Variants in POC1B observed in about 807,000 individuals in gnomAD.
POC1B encodes POC1 centriolar protein B, also known as POC1 centriolar protein homolog B.
In POC1B, 44 loss-of-function variants were observed where a neutral mutation model predicts 60.6. The observed-to-expected ratio is 0.73, with a 90% CI of 0.57 to 0.93. POC1B has a LOEUF of 0.93. Ranked by LOEUF, POC1B falls within the 40% of genes least tolerant of loss-of-function variation. The pLI is 0.00. For missense variants in POC1B, 555 were observed against 572.3 expected (o/e 0.97, Z 0.31); for synonymous variants, 180 against 198.9 (o/e 0.90, Z 0.80).
intron 10 of POC1B, among the ~76,000 whole-genome samples, chr12:89,458,345 A>AT (rs1372097188): frequency 6.6e-6 from 1 of 152,226 alleles, no homozygotes; most frequent in Non-Finnish European, 1.5e-5. Flanking sequence ...AGTTGTAGAC[A>AT]TCCCATTAAT....
At chr12:89,430,772 A>G (rs1230477649) in intron 10 of POC1B, among the ~76,000 whole-genome samples, 2 of 152,196 alleles carry the variant, frequency 1.3e-5, no homozygotes, top group Non-Finnish European at 2.9e-5. Flanking sequence ...CAGTAACTTT[A>G]TCATCTCAGG....
intron 4 of POC1B, among the ~76,000 whole-genome samples, chr12:89,474,822 C>T (rs1293797813): frequency 2.0e-5 from 3 of 152,290 alleles, no homozygotes; most frequent in South Asian, 2.1e-4. Flanking sequence ...GGAGAGGAAC[C>T]ACGAGGCAGT....
At chr12:89,409,044 CAA>C in the POC1B span, among the ~76,000 whole-genome samples, 1 of 152,252 alleles carries the variant, frequency 6.6e-6, no homozygotes, top group East Asian at 1.9e-4. Context: ...GGGTAGATTG[CAA>C]AAACTTTCTC....
intron 2 of POC1B, among the ~76,000 whole-genome samples, chr12:89,509,325 T>G (rs1870058374): frequency 6.6e-6 from 1 of 152,212 alleles, no homozygotes; most frequent in South Asian, 2.1e-4. Flanking sequence ...AAAGCTGGCC[T>G]CTGTGTCCTT....
intron 10 of POC1B, among the ~76,000 whole-genome samples, chr12:89,438,542 T>C (rs1390529622): frequency 6.6e-6 from 1 of 152,228 alleles, no homozygotes; most frequent in East Asian, 1.9e-4. Flanking sequence ...TTTTTCAAAC[T>C]TTCTCTGGAC....
the POC1B span, among the ~76,000 whole-genome samples, chr12:89,410,705 C>T: frequency 6.8e-6 from 1 of 146,198 alleles, no homozygotes; most frequent in East Asian, 2.0e-4. Context: ...AAAAAGAAAA[C>T]TGGCACAAGA....
At chr12:89,502,265 T>TA in intron 2 of POC1B, 1 of 1,511,280 alleles carries the variant, frequency 6.6e-7, no homozygotes, top group Non-Finnish European at 9.2e-7. Context: ...ACTAAAGTGA[T>TA]ACCAAAGAAC....
intron 11 of POC1B, among the ~76,000 whole-genome samples, chr12:89,424,108 G>C (rs1880653800): frequency 6.6e-6 from 1 of 152,230 alleles, no homozygotes; most frequent in Non-Finnish European, 1.5e-5. Flanking sequence ...CAAATCATAT[G>C]ATGACTCCAA....
At chr12:89,478,864 G>A (rs1053545421) in intron 4 of POC1B, among the ~76,000 whole-genome samples, 11 of 152,096 alleles carry the variant, frequency 7.2e-5, no homozygotes, top group Admixed American at 3.3e-4. Context: ...AACAGACTCG[G>A]AAAAGTTCTC....
chr12:89,500,780 T>C, intron 2 of POC1B: 11 of 1,019,532 alleles, frequency 1.1e-5, no homozygotes, highest in South Asian at 1.4e-5. Context: ...AAGTATCAGA[T>C]AAAGAGGATA....
Position 89,444,930 on chromosome 12 carries a change from G to A in POC1B, c.1113+14708C>T, listed in dbSNP as rs570547177. Among the ~76,000 whole-genome samples, 731 of 152,214 alleles carry A rather than the reference G, an allele frequency of 4.8e-3. 3 individuals carry two copies. Among genetic ancestry groups the A allele is most frequent in the African/African-American group, 0.017 (688 of 41,536 alleles). On this transcript the variant is annotated intron_variant, in intron 10 of 11. Coordinates refer to ENST00000313546, the MANE Select transcript of POC1B (RefSeq NM_172240.3). The stretch of plus-strand genomic sequence containing the variant: ...AAGTCTCAGGATACAAAATCAATGT[G>A]CAAAAATCACAAGCATTCCTATATA...
intron 2 of POC1B, chr12:89,524,552 G>A (rs1219417581): frequency 1.9e-6 from 3 of 1,610,964 alleles, no homozygotes; most frequent in Non-Finnish European, 2.5e-6. Context: ...ACCGCCATCC[G>A]GATTCTCAGG....
Position 89,497,451 on chromosome 12 carries a change from G to A in POC1B, c.101-109C>T, listed in dbSNP as rs184794062. ...TAACAAGGCATCCAGGTAATAGAGC[G>A]GCTGGAGGTTGTAAGGCTGCCCAGG... On this transcript the variant is annotated intron_variant, in intron 2 of 11. Transcript: ENST00000313546. The A allele has an allele frequency of 6.2e-5, 72 of 1,157,460 alleles. No homozygotes were observed. The East Asian group carries it at 1.2e-3, about 19-fold the overall frequency. The allele number at this position is 1,157,460 out of a possible 1,614,324, so 71.7% of individuals were successfully genotyped here.
At chr12:89,485,955 C>T (rs1868613159) in intron 4 of POC1B, among the ~76,000 whole-genome samples, 1 of 152,150 alleles carries the variant, frequency 6.6e-6, no homozygotes, top group South Asian at 2.1e-4. Flanking sequence ...ACCTTACTAA[C>T]TTCCACAATA....
At chr12:89,410,397 A>G in the POC1B span, among the ~76,000 whole-genome samples, 1 of 152,138 alleles carries the variant, frequency 6.6e-6, no homozygotes, top group Non-Finnish European at 1.5e-5. Flanking sequence ...AACCGGCACA[A>G]GGTCGGGCGC....
intron 4 of POC1B, among the ~76,000 whole-genome samples, chr12:89,475,049 C>T (rs953268133): frequency 6.6e-6 from 1 of 152,154 alleles, no homozygotes; most frequent in Non-Finnish European, 1.5e-5. Context: ...GGCAAGATCC[C>T]TGCCCTTATG....
chr12:89,462,134 C>T (rs993036360), intron 9 of POC1B, among the ~76,000 whole-genome samples: 6 of 152,008 alleles, frequency 3.9e-5, no homozygotes, highest in Admixed American at 2.0e-4. Context: ...TATTTAACTG[C>T]GTAAGTTGCT....
chr12:89,502,258 A>G, intron 2 of POC1B: 1 of 1,479,068 alleles, frequency 6.8e-7, no homozygotes, highest in Admixed American at 1.8e-5. Context: ...AAAACGAACT[A>G]AAGTGATACC....
rs1869513118 is a variant in POC1B, at chr12:89,500,684, G to A, written c.101-3342C>T. The A allele has an allele frequency of 2.6e-6, 4 of 1,519,266 alleles. No homozygotes were observed. In the South Asian group the frequency reaches 4.7e-5, roughly 18 times the overall value. The allele number at this position is 1,519,266 out of a possible 1,614,324, so 94.1% of individuals were successfully genotyped here. A position where few individuals can be genotyped will look rare whatever the true frequency, so the allele number is the denominator to read the frequency against. ...AGTAAATATGCTGCCTTCAAGTACA[G>A]AGGTTTCACTTAAAACCAAAAAAAG... is the stretch of plus-strand genomic sequence containing the variant. On this transcript the variant is annotated intron_variant, in intron 2 of 11. Coordinates refer to ENST00000313546, the MANE Select transcript of POC1B (RefSeq NM_172240.3).
Sources: allele counts gnomAD v4.1 joint callset (sites outside exome capture counted in the v4.1 genomes callset), GRCh38; gene constraint gnomAD v4.1.1; transcripts MANE v1.5; gene names NCBI Gene and HGNC (gene_info 2026-07-23, HGNC 2026-07-21).